Variants in GRIK5 observed in about 807,000 individuals in gnomAD.
GRIK5 encodes glutamate receptor ionotropic, kainate 5.
GRIK5 carries 43 observed loss-of-function variants against 97.4 expected under a neutral mutation model. The observed-to-expected ratio is 0.44, with a 90% confidence interval of 0.35 to 0.57. GRIK5 has a LOEUF of 0.57. Among genes scored for constraint, GRIK5 ranks in the 20% least tolerant of loss-of-function variants. The probability of loss-of-function intolerance (pLI) is 0.01; values close to 1 mark genes in which losing one functional copy is unlikely to be tolerated. For missense variants in GRIK5, 1,015 were observed against 1,382.0 expected (o/e 0.73, Z 4.21); for synonymous variants, 580 against 583.5 (o/e 0.99, Z 0.09).
Position 42,003,321 on chromosome 19 carries a change from A to G in GRIK5, c.2514+11T>C. 6.5e-6 allele frequency: 5 copies of G among 771,446 alleles called. No homozygotes were observed. The highest frequency in any genetic ancestry group is 1.0e-5 in the Non-Finnish European group (5 of 487,144). 47.8% of individuals were successfully genotyped at this position (771,446 alleles called of 1,614,324 possible). ...CCTGTTCCTGCCCACCCCCACCCCC[A>G]GCCTCCTCACCTCCTCGGACTCAGC... is the stretch of plus-strand genomic sequence containing the variant. On this transcript the variant is annotated intron_variant, in intron 19 of 19. Transcript: ENST00000593562. The surrounding 1 kb of genome is among the most constrained non-coding windows in gnomAD (Gnocchi z 4.2).
chr19:42,045,925 T>C (rs935411138), intron 11 of GRIK5, among the ~76,000 whole-genome samples: 1 of 152,014 alleles, frequency 6.6e-6, no homozygotes, highest in African/African-American at 2.4e-5. Context: ...TAGACTGAGC[T>C]CAAGTGGACA....
At chr19:42,069,005 C>A in intron 1 of GRIK5, 1 of 518,962 alleles carries the variant, frequency 1.9e-6, no homozygotes, top group South Asian at 2.6e-5. Context: ...CGTAGGACCC[C>A]AGAAAGCTAG....
chr19:42,059,771 C>A (rs1009429649), intron 5 of GRIK5, among the ~76,000 whole-genome samples: 2 of 152,136 alleles, frequency 1.3e-5, no homozygotes, highest in African/African-American at 4.8e-5. Context: ...CTTCCTGACC[C>A]CTCATTGGGT....
At chr19:42,045,412 C>T (rs1375973985) in intron 11 of GRIK5, among the ~76,000 whole-genome samples, 1 of 152,246 alleles carries the variant, frequency 6.6e-6, no homozygotes, top group Non-Finnish European at 1.5e-5. Flanking sequence ...TCTGCACTTT[C>T]CAGTCCAGTC....
Position 41,999,346 on chromosome 19 carries a change from G to T in GRIK5, c.2515-47C>A. On this transcript the variant is annotated intron_variant, in intron 19 of 19. Coordinates refer to ENST00000593562, the MANE Select transcript of GRIK5 (RefSeq NM_002088.5). This position sits in a 1 kb window ranked among gnomAD's most constrained non-coding sequence, Gnocchi z 5.0. ...ACCGTCCCGGCGCAGTCCGCCTCCC[G>T]CCTCCCCCAGCCCCTCTCCACATCC... The T allele has an allele frequency of 7.3e-7, 1 of 1,373,142 alleles. No individual in the cohort carries two copies. The highest frequency in any genetic ancestry group is 9.7e-7 in the Non-Finnish European group (1 of 1,033,512). The allele number at this position is 1,373,142 out of a possible 1,614,324, so 85.1% of individuals were successfully genotyped here. A position where few individuals can be genotyped will look rare whatever the true frequency, so the allele number is the denominator to read the frequency against.
At position 42,065,061 on chromosome 19, in the gene GRIK5, CCAG is replaced by C. The variant is rs1365239930; in HGVS notation, c.244+159_244+161del. 7.2e-5 allele frequency among the ~76,000 whole-genome samples: 11 copies of C among 152,222 alleles called. No homozygotes were observed. The highest frequency in any genetic ancestry group is 2.7e-4 in the African/African-American group (11 of 41,458). On this transcript the variant is annotated intron_variant, in intron 3 of 19. Coordinates refer to ENST00000593562, the MANE Select transcript of GRIK5 (RefSeq NM_002088.5). This position sits in a 1 kb window ranked among gnomAD's most constrained non-coding sequence, Gnocchi z 5.8. ...TCTCCCTCCTCTCCAACCCCCAGGC[CCAG>C]CAGCAGCCATGTCTGGGAAGAAGGC...
chr19:42,059,201 G>C, intron 6 of GRIK5, 148 bp downstream of exon 6: 1 of 642,566 alleles, frequency 1.6e-6, no homozygotes, highest in Non-Finnish European at 2.7e-6. Flanking sequence ...CAGGCTGAGA[G>C]ACAAACTTTA....
At chr19:42,063,458 C>T (rs757402888) in intron 3 of GRIK5, 1 of 419,130 alleles carries the variant, frequency 2.4e-6, no homozygotes, top group South Asian at 1.7e-5. Flanking sequence ...TCCAGGGTTC[C>T]CAGGATTGAC....
intron 6 of GRIK5, among the ~76,000 whole-genome samples, chr19:42,057,909 C>G (rs913770059): frequency 2.0e-5 from 3 of 152,216 alleles, no homozygotes; most frequent in African/African-American, 4.8e-5. Flanking sequence ...TCTGTCCCCC[C>G]ACGAGAATTA....
chr19:42,023,768 C>A (rs1430233570), intron 12 of GRIK5, among the ~76,000 whole-genome samples: 1 of 152,230 alleles, frequency 6.6e-6, no homozygotes, highest in African/African-American at 2.4e-5. Context: ...CTCCACCACC[C>A]GGGCCTGGGC....
rs553220174 is a variant in GRIK5, at chr19:41,999,690, C to T, written c.2515-391G>A. ...ATTTACCTGTGGCCTGCTGTGTGCC[C>T]GGCACTGTTCTGAGCACTGGGGATA... On this transcript the variant is annotated intron_variant, in intron 19 of 19. Coordinates refer to ENST00000593562, the MANE Select transcript of GRIK5 (RefSeq NM_002088.5). The surrounding 1 kb of genome is among the most constrained non-coding windows in gnomAD (Gnocchi z 5.0). Among the ~76,000 whole-genome samples the T allele has an allele frequency of 7.4e-4, 113 of 152,248 alleles. No individual in the cohort carries two copies. Among genetic ancestry groups the T allele is most frequent in the African/African-American group, 2.6e-3 (109 of 41,542 alleles).
In GRIK5 at chr19:41,999,323, C is replaced by T. The variant is rs1408191602; in HGVS notation, c.2515-24G>A. On this transcript the variant is annotated intron_variant, in intron 19 of 19. Coordinates refer to ENST00000593562, the MANE Select transcript of GRIK5 (RefSeq NM_002088.5). This position sits in a 1 kb window ranked among gnomAD's most constrained non-coding sequence, Gnocchi z 5.0. ...ACCTGGGGGTGGCGCGGGCGGTCAC[C>T]GTCCCGGCGCAGTCCGCCTCCCGCC... 7.4e-6 allele frequency: 11 copies of T among 1,494,506 alleles called. No individual in the cohort carries two copies. The highest frequency in any genetic ancestry group is 8.9e-6 in the Non-Finnish European group (10 of 1,128,300). The allele number at this position is 1,494,506 out of a possible 1,614,324, so 92.6% of individuals were successfully genotyped here. A position where few individuals can be genotyped will look rare whatever the true frequency, so the allele number is the denominator to read the frequency against.
At chr19:42,007,416 GA>G (rs1383590366) in intron 15 of GRIK5, among the ~76,000 whole-genome samples, 1 of 152,106 alleles carries the variant, frequency 6.6e-6, no homozygotes, top group Non-Finnish European at 1.5e-5. Context: ...TAAAACATAG[GA>G]CAAGAGACAT....
Position 42,056,908 on chromosome 19 carries a change from C to T in GRIK5, c.741+17G>A. 1 of 1,601,770 alleles carries T rather than the reference C, an allele frequency of 6.2e-7. No individual in the cohort carries two copies. The highest frequency in any genetic ancestry group is 1.3e-5 in the African/African-American group (1 of 74,736). On this transcript the variant is annotated intron_variant, in intron 7 of 19. Transcript: ENST00000593562. ...GGAAGGAAGTGGGGGCAGAGATGGG[C>T]CAGAGGGCATACACACCATGGTGGT...
At chr19:42,046,683 C>T (rs532287692) in intron 11 of GRIK5, among the ~76,000 whole-genome samples, 18 of 152,194 alleles carry the variant, frequency 1.2e-4, no homozygotes, top group African/African-American at 3.6e-4. Context: ...TACAGAACAA[C>T]GTGTACAATA....
chr19:42,056,238 C>T (rs901999347), intron 8 of GRIK5, among the ~76,000 whole-genome samples: 2 of 152,190 alleles, frequency 1.3e-5, no homozygotes, highest in African/African-American at 2.4e-5. Context: ...CCTGCCTCGG[C>T]CTCCCAAAGT....
At chr19:42,052,070 T>C (rs1010826940) in intron 11 of GRIK5, among the ~76,000 whole-genome samples, 2 of 152,174 alleles carry the variant, frequency 1.3e-5, no homozygotes, top group Admixed American at 6.5e-5. Context: ...TCTGTGCTTC[T>C]AGAATGTAAG....
intron 12 of GRIK5, among the ~76,000 whole-genome samples, chr19:42,039,894 C>T (rs149203217): frequency 1.3e-5 from 2 of 151,884 alleles, no homozygotes; most frequent in East Asian, 1.9e-4. Flanking sequence ...GTGGGAGGAT[C>T]GCTTGAGCCC....
At chr19:42,011,846 C>T (rs953966589) in intron 15 of GRIK5, among the ~76,000 whole-genome samples, 1 of 152,100 alleles carries the variant, frequency 6.6e-6, no homozygotes. Flanking sequence ...TGGTAGAGCG[C>T]ACCTATGGTC....
Sources: gnomAD v4.1 joint callset for allele counts (sites outside exome capture counted in the v4.1 genomes callset) on GRCh38, gnomAD v4.1.1 for gene constraint, Gnocchi (gnomAD v3.1) non-coding constraint, MANE v1.5 for transcripts, NCBI Gene and HGNC (gene_info 2026-07-23, HGNC 2026-07-21) for gene names.